The following PTPRN2 variants were observed in gnomAD, a reference collection of about 807,000 sequenced individuals.
PTPRN2 encodes the protein protein tyrosine phosphatase receptor type N2.
A neutral mutation model predicts 118.8 loss-of-function variants in PTPRN2; 74 were observed. The ratio of observed to expected loss-of-function variants is 0.62; its 90% CI spans 0.52 to 0.76. The LOEUF is 0.76. Ranked by LOEUF, PTPRN2 falls within the 30% of genes least tolerant of loss-of-function variation. The pLI is 0.00. For synonymous variants in PTPRN2, 641 were observed against 608.0 expected, an observed-to-expected ratio of 1.05 and a Z score of -0.80; for missense variants, 1,481 against 1,394.4, an observed-to-expected ratio of 1.06 and a Z score of -0.99.
intron 6 of PTPRN2, among the ~76,000 whole-genome samples, chr7:158,160,488 C>A (rs926352946): frequency 1.3e-4 from 20 of 152,198 alleles, no homozygotes. Flanking sequence ...TCATCAGCTT[C>A]CCTGGTTCTC....
At chr7:157,865,584 T>A (rs890314704) in intron 12 of PTPRN2, 3 of 152,440 alleles carry the variant, frequency 2.0e-5, no homozygotes, top group Admixed American at 6.5e-5. Flanking sequence ...GAGCTCGGCA[T>A]CTGGAGGGCA....
chr7:158,160,777 T>A (rs1245855345), intron 6 of PTPRN2, among the ~76,000 whole-genome samples: 2 of 152,238 alleles, frequency 1.3e-5, no homozygotes, highest in South Asian at 4.1e-4. Flanking sequence ...ACACAGTTCA[T>A]CTGCTCATAA....
chr7:158,203,600 C>G (rs1826846601), intron 4 of PTPRN2, among the ~76,000 whole-genome samples: 1 of 151,420 alleles, frequency 6.6e-6, no homozygotes, highest in Admixed American at 6.6e-5. Context: ...TTCTGCACCC[C>G]CCCAGAGTGA....
At chr7:158,059,556 A>G (rs1810141806) in intron 11 of PTPRN2, among the ~76,000 whole-genome samples, 2 of 112,732 alleles carry the variant, frequency 1.8e-5, no homozygotes, top group African/African-American at 4.4e-5. Context: ...ACATCACTGC[A>G]GCCACACTCC....
intron 3 of PTPRN2, among the ~76,000 whole-genome samples, chr7:158,274,996 T>TC (rs1157532702): frequency 2.6e-5 from 4 of 152,086 alleles, no homozygotes; most frequent in Admixed American, 1.3e-4. Flanking sequence ...GAGTCCTGTC[T>TC]CCCCCCAAAA....
chr7:157,916,990 G>C (rs1798436712), intron 11 of PTPRN2, among the ~76,000 whole-genome samples: 1 of 136,628 alleles, frequency 7.3e-6, no homozygotes, highest in East Asian at 2.2e-4. Context: ...GGCAGGGGCT[G>C]GCCACGCACC....
chr7:158,502,803 G>A (rs111585436), intron 1 of PTPRN2, among the ~76,000 whole-genome samples: 14 of 151,100 alleles, frequency 9.3e-5, no homozygotes, highest in Non-Finnish European at 1.9e-4. Flanking sequence ...CAGCCACTGT[G>A]TCCATCAACT....
intron 11 of PTPRN2, among the ~76,000 whole-genome samples, chr7:157,922,166 A>G (rs916272904): frequency 3.3e-5 from 5 of 152,254 alleles, no homozygotes; most frequent in Admixed American, 6.5e-5. Context: ...AAAGATTATT[A>G]CTGCAGTGAA....
chr7:158,440,164 A>G (rs1816882969), intron 2 of PTPRN2, among the ~76,000 whole-genome samples: 1 of 152,232 alleles, frequency 6.6e-6, no homozygotes. Flanking sequence ...CCATAAAGGT[A>G]GAGACTCATG....
chr7:157,700,756 C>A (rs1798025786), intron 12 of PTPRN2, among the ~76,000 whole-genome samples: 1 of 152,178 alleles, frequency 6.6e-6, no homozygotes, highest in African/African-American at 2.4e-5. Context: ...ACAGGGGCGC[C>A]TCCAGACCTC....
chr7:158,311,987 CCACACACATG>C (rs1387226129), intron 3 of PTPRN2, among the ~76,000 whole-genome samples: 130 of 140,570 alleles, frequency 9.2e-4, no homozygotes, highest in Admixed American at 3.1e-3. Flanking sequence ...ATGTAGACAC[CCACACACATG>C]CACACACACC....
At chr7:158,429,463 G>C (rs1968704) in intron 2 of PTPRN2, among the ~76,000 whole-genome samples, 148,102 of 152,344 alleles carry the variant, frequency 0.97, 72,028 homozygotes, top group African/African-American at 0.99. Context: ...TCTCTGCCTC[G>C]TTCCCACGGA....
chr7:158,573,571 C>T (rs1020286069), intron 1 of PTPRN2, among the ~76,000 whole-genome samples: 8 of 152,092 alleles, frequency 5.3e-5, no homozygotes, highest in Admixed American at 5.2e-4. Context: ...GAGCTCGGGT[C>T]TCTGTCCAGG....
chr7:158,062,530 A>C (rs1473316180), intron 11 of PTPRN2, among the ~76,000 whole-genome samples: 2 of 152,156 alleles, frequency 1.3e-5, no homozygotes, highest in Non-Finnish European at 2.9e-5. Context: ...TGGGCTGGCC[A>C]AGGCCTGAGC....
chr7:157,852,089 CCGCT>C, intron 12 of PTPRN2, among the ~76,000 whole-genome samples: 1 of 152,216 alleles, frequency 6.6e-6, no homozygotes, highest in Admixed American at 6.5e-5. Context: ...GCAGCGGTGC[CCGCT>C]GAGGAGTCTG....
In PTPRN2 at chr7:158,422,384, A is replaced by G. The variant is rs1586637028; in HGVS notation, c.163+67351T>C. Among the ~76,000 whole-genome samples the G allele has an allele frequency of 2.0e-5, 3 of 152,330 alleles. No individual in the cohort carries two copies. In the East Asian group the frequency reaches 5.8e-4, roughly 29 times the overall value. On this transcript the variant is annotated intron_variant, in intron 2 of 22. Coordinates refer to ENST00000389418, the MANE Select transcript of PTPRN2 (RefSeq NM_002847.5). ...CAAACCCCATCAATGGCAGCTTCCA[A>G]CACCATCTGATTTTCTGAATTTCAA...
At chr7:157,688,707 C>CA (rs1487317325) in intron 12 of PTPRN2, among the ~76,000 whole-genome samples, 1 of 152,200 alleles carries the variant, frequency 6.6e-6, no homozygotes, top group African/African-American at 2.4e-5. Context: ...TACCCGGACT[C>CA]AGAAGCCCCA....
intron 2 of PTPRN2, among the ~76,000 whole-genome samples, chr7:158,357,749 G>C (rs987687412): frequency 1.3e-5 from 2 of 152,236 alleles, no homozygotes; most frequent in Non-Finnish European, 2.9e-5. Context: ...CGGGGAGAAA[G>C]AAGGGCCTGG....
intron 5 of PTPRN2, among the ~76,000 whole-genome samples, chr7:158,184,336 T>G (rs1423026999): frequency 6.6e-6 from 1 of 152,228 alleles, no homozygotes; most frequent in East Asian, 1.9e-4. Context: ...TATTTTAGAT[T>G]CAACCTCAAT....
Sources: gnomAD v4.1 joint callset for allele counts (sites outside exome capture counted in the v4.1 genomes callset) on GRCh38, gnomAD v4.1.1 for gene constraint, MANE v1.5 for transcripts, NCBI Gene and HGNC (gene_info 2026-07-23, HGNC 2026-07-21) for gene names.